The following SRBD1 variants were observed in gnomAD, a reference collection of about 807,000 sequenced individuals.
The protein encoded by SRBD1 is S1 RNA-binding domain-containing protein 1.
Under a neutral mutation model 115.3 loss-of-function variants are expected in SRBD1, and 88 were observed. That is an observed-to-expected ratio of 0.76 (90% CI 0.64 to 0.91). The LOEUF is 0.91. SRBD1 is among the 40% of genes least tolerant of loss of function. The pLI, the probability that SRBD1 is intolerant of heterozygous loss-of-function variation, is 0.00. For missense variants in SRBD1, 1,385 were observed against 1,177.4 expected (o/e 1.18, Z -2.58); for synonymous variants, 509 against 407.7 (o/e 1.25, Z -2.99).
intron 14 of SRBD1, among the ~76,000 whole-genome samples, chr2:45,494,724 A>T (rs1437255437): frequency 6.6e-6 from 1 of 152,220 alleles, no homozygotes; most frequent in African/African-American, 2.4e-5. Context: ...AATATAAAAT[A>T]TGTGAAGTGA....
At chr2:45,544,621 G>A (rs1027065069) in intron 14 of SRBD1, among the ~76,000 whole-genome samples, 1 of 152,078 alleles carries the variant, frequency 6.6e-6, no homozygotes, top group Non-Finnish European at 1.5e-5. Flanking sequence ...ACACAAGTAC[G>A]ATAGACATTA....
Position 45,423,056 on chromosome 2 carries a change from T to C in SRBD1, c.2050-3162A>G, listed in dbSNP as rs192761121. Among the ~76,000 whole-genome samples the C allele has an allele frequency of 1.7e-4, 26 of 152,266 alleles. No individual in the cohort carries two copies. In the East Asian group the frequency reaches 3.7e-3, roughly 21 times the overall value. On this transcript the variant is annotated intron_variant, in intron 16 of 20. Transcript: ENST00000263736. ...CATTTTATATAGAAAATAATAACCA[T>C]ACGACTTTAAAATAAGCTTGATTTA...
intron 14 of SRBD1, 113 bp downstream of exon 14, chr2:45,546,619 T>A: frequency 9.7e-7 from 1 of 1,032,058 alleles, no homozygotes; most frequent in Non-Finnish European, 1.5e-6. Context: ...CAAGAGGTGG[T>A]CTGGAGGGCA....
At chr2:45,522,094 T>C in intron 14 of SRBD1, among the ~76,000 whole-genome samples, 1 of 151,834 alleles carries the variant, frequency 6.6e-6, no homozygotes, top group Non-Finnish European at 1.5e-5. Context: ...ATCACCCAAG[T>C]GTACATCAAC....
chr2:45,579,366 A>G (rs1673274737), intron 7 of SRBD1, among the ~76,000 whole-genome samples: 1 of 152,186 alleles, frequency 6.6e-6, no homozygotes, highest in Non-Finnish European at 1.5e-5. Context: ...TGACATTTTT[A>G]AAGAGTATTT....
intron 7 of SRBD1, among the ~76,000 whole-genome samples, chr2:45,575,429 C>G (rs1274561933): frequency 2.0e-5 from 3 of 152,196 alleles, no homozygotes; most frequent in Admixed American, 6.5e-5. Context: ...ATTTGCACTG[C>G]TTTGTTTCAT....
chr2:45,542,573 G>C, intron 14 of SRBD1, among the ~76,000 whole-genome samples: 1 of 152,206 alleles, frequency 6.6e-6, no homozygotes, highest in East Asian at 1.9e-4. Flanking sequence ...GCCACCACTA[G>C]AATTCTGATA....
chr2:45,514,153 C>T (rs1421792698), intron 14 of SRBD1, among the ~76,000 whole-genome samples: 1 of 152,192 alleles, frequency 6.6e-6, no homozygotes, highest in African/African-American at 2.4e-5. Flanking sequence ...TACGAAAAGT[C>T]TGAATTAAAG....
At chr2:45,602,705 A>T (rs1252961821) in intron 2 of SRBD1, among the ~76,000 whole-genome samples, 2 of 152,060 alleles carry the variant, frequency 1.3e-5, no homozygotes, top group African/African-American at 4.8e-5. Context: ...AAGAGCAGAG[A>T]AAAAGCAGCC....
intron 16 of SRBD1, among the ~76,000 whole-genome samples, chr2:45,439,289 G>C (rs1006972499): frequency 6.6e-6 from 1 of 151,788 alleles, no homozygotes; most frequent in Non-Finnish European, 1.5e-5. Context: ...ATAAAATTGT[G>C]CGTGTTTATT....
At chr2:45,424,208 T>C (rs1289305269) in intron 16 of SRBD1, among the ~76,000 whole-genome samples, 1 of 152,172 alleles carries the variant, frequency 6.6e-6, no homozygotes, top group African/African-American at 2.4e-5. Flanking sequence ...GATGACATAC[T>C]GCATTTAGTT....
At chr2:45,454,138 A>G (rs1669082156) in intron 16 of SRBD1, among the ~76,000 whole-genome samples, 1 of 151,950 alleles carries the variant, frequency 6.6e-6, no homozygotes, top group South Asian at 2.1e-4. Flanking sequence ...AGAAGCATAA[A>G]AGCAGGATAT....
intron 15 of SRBD1, among the ~76,000 whole-genome samples, chr2:45,479,899 T>C (rs1185682333): frequency 1.3e-5 from 2 of 152,192 alleles, no homozygotes; most frequent in Non-Finnish European, 2.9e-5. Context: ...GGAATGCAGC[T>C]GGTGACTTTA....
At chr2:45,456,079 G>T (rs1288393428) in intron 16 of SRBD1, among the ~76,000 whole-genome samples, 1 of 151,692 alleles carries the variant, frequency 6.6e-6, no homozygotes, top group East Asian at 1.9e-4. Context: ...CAAAAGAAAA[G>T]CTAAATTTGG....
intron 14 of SRBD1, among the ~76,000 whole-genome samples, chr2:45,543,369 G>A (rs73927533): frequency 1.3e-5 from 2 of 152,158 alleles, no homozygotes; most frequent in East Asian, 1.9e-4. Flanking sequence ...GGTTTCCTGG[G>A]GTTTATGAAT....
chr2:45,559,423 G>GA (rs1381229769), intron 10 of SRBD1, among the ~76,000 whole-genome samples: 5 of 152,080 alleles, frequency 3.3e-5, no homozygotes, highest in Admixed American at 6.5e-5. Flanking sequence ...ACTACTCAGG[G>GA]CTCTGTTACA....
intron 20 of SRBD1, among the ~76,000 whole-genome samples, chr2:45,391,564 G>C (rs1197804159): frequency 1.3e-5 from 2 of 152,130 alleles, no homozygotes; most frequent in Admixed American, 1.3e-4. Context: ...AAAGTTCTCA[G>C]ACATTTTGAA....
intron 17 of SRBD1, 81 bp from the exon 18 acceptor site, chr2:45,418,622 G>A (rs1245670645): frequency 2.7e-5 from 33 of 1,212,982 alleles, no homozygotes; most frequent in African/African-American, 6.4e-5. Flanking sequence ...TCATAAAAAC[G>A]ACTGCAATGA....
At chr2:45,539,699 T>C (rs2104007438) in intron 14 of SRBD1, among the ~76,000 whole-genome samples, 1 of 152,260 alleles carries the variant, frequency 6.6e-6, no homozygotes, top group Middle Eastern at 3.4e-3. Context: ...GATCCCAAAC[T>C]GGTAGTATCT....
Sources: gnomAD v4.1 joint callset for allele counts (sites outside exome capture counted in the v4.1 genomes callset) on GRCh38, gnomAD v4.1.1 for gene constraint, MANE v1.5 for transcripts, NCBI Gene and HGNC (gene_info 2026-07-23, HGNC 2026-07-21) for gene names.